CBL: variants seen among roughly 807,000 people sequenced by gnomAD.
CBL encodes the protein Cbl proto-oncogene, also known as E3 ubiquitin-protein ligase CBL.
CBL carries 45 observed loss-of-function variants against 96.9 expected under a neutral mutation model. That is an observed-to-expected ratio of 0.46 (90% confidence interval 0.37 to 0.60). The LOEUF is 0.60. Among genes scored for constraint, CBL ranks in the 20% least tolerant of loss-of-function variants. The probability of loss-of-function intolerance (pLI) is 0.00; values close to 1 mark genes in which losing one functional copy is unlikely to be tolerated. For missense variants in CBL, 1,024 were observed against 1,143.5 expected (o/e 0.90, Z 1.51); for synonymous variants, 420 against 426.8 (o/e 0.98, Z 0.20).
At chr11:119,271,373 C>T (rs1489795761) in intron 2 of CBL, among the ~76,000 whole-genome samples, 1 of 152,164 alleles carries the variant, frequency 6.6e-6, no homozygotes, top group African/African-American at 2.4e-5. Flanking sequence ...TAAATTTTTT[C>T]TCTTGTTTAC....
chr11:119,303,039 T>G lies in CBL; in HGVS notation c.*3258T>G, dbSNP rs1388222052. On this transcript the variant is annotated 3_prime_UTR_variant, in exon 16 of 16. Coordinates refer to ENST00000264033, the MANE Select transcript of CBL (RefSeq NM_005188.4). ...TAAGGGAGGTGGGGGTCACTGTTCA[T>G]CACTCTTAAAATATGTGTTTTCTCT... 2 of 230,296 alleles carry G rather than the reference T, an allele frequency of 8.7e-6. No individual in the cohort carries two copies. Among genetic ancestry groups the G allele is most frequent in the Non-Finnish European group, 1.7e-5 (2 of 116,052 alleles). 14.3% of individuals were successfully genotyped at this position (230,296 alleles called of 1,614,324 possible).
chr11:119,208,881 A>G (rs1949295831), intron 1 of CBL, among the ~76,000 whole-genome samples: 1 of 152,198 alleles, frequency 6.6e-6, no homozygotes, highest in Non-Finnish European at 1.5e-5. Context: ...ATTATTTGGG[A>G]AGAATAAAGA....
At chr11:119,270,242 T>C in intron 2 of CBL, among the ~76,000 whole-genome samples, 1 of 122,560 alleles carries the variant, frequency 8.2e-6, no homozygotes, top group East Asian at 2.3e-4. Flanking sequence ...GTGTGACATC[T>C]TTTTTTTTTT....
At chr11:119,296,248 T>C (rs1341509745) in intron 12 of CBL, among the ~76,000 whole-genome samples, 1 of 152,206 alleles carries the variant, frequency 6.6e-6, no homozygotes, top group Admixed American at 6.5e-5. Flanking sequence ...AGTAGGTTTT[T>C]GTGTGTCTTT....
rs891089507 is a variant in CBL at position 119,307,558 on chromosome 11, G to C, written c.*7777G>C. 9.0e-5 allele frequency: 21 copies of C among 232,502 alleles called. No individual in the cohort carries two copies. Among genetic ancestry groups the C allele is most frequent in the Admixed American group, 8.4e-4 (15 of 17,760 alleles). 14.4% of individuals were successfully genotyped at this position (232,502 alleles called of 1,614,324 possible). A position where few individuals can be genotyped will look rare whatever the true frequency, so the allele number is the denominator to read the frequency against. On this transcript the variant is annotated 3_prime_UTR_variant, in exon 16 of 16. Coordinates refer to ENST00000264033, the MANE Select transcript of CBL (RefSeq NM_005188.4). ...CAGGGAAGGGCAGCAAGGAACATGG[G>C]ACCAGAAGCCTGTCCTCAGTAATGT...
intron 13 of CBL, 110 bp from the exon 14 acceptor site, chr11:119,297,274 A>G: frequency 2.2e-6 from 2 of 925,470 alleles, no homozygotes; most frequent in Non-Finnish European, 1.8e-6. Flanking sequence ...ACAAGAGTCA[A>G]CTTTAACATT....
Position 119,302,089 on chromosome 11 carries a change from CT to C in CBL, c.*2314del. ...AGGTTAAGGGCAGTCTCGACTTTTC[CT>C]TTTTTGAGTCCTGTGTGGCTCTTTG... On this transcript the variant is annotated 3_prime_UTR_variant, in exon 16 of 16. Transcript: ENST00000264033. 4.3e-6 allele frequency: 1 copy of C among 232,792 alleles called. No individual in the cohort carries two copies. The highest frequency in any genetic ancestry group is 8.5e-6 in the Non-Finnish European group (1 of 117,826). The allele number at this position is 232,792 out of a possible 1,614,324, so 14.4% of individuals were successfully genotyped here.
In CBL at chr11:119,304,142, C is replaced by G. The variant is rs1950119328; in HGVS notation, c.*4361C>G. ...TCCCAGAGCAAGGAGTTTAGGGATT[C>G]TAAAGCTTAGTGTCCACACATCATT... On this transcript the variant is annotated 3_prime_UTR_variant, in exon 16 of 16. Transcript: ENST00000264033. 1 of 233,348 alleles carries G rather than the reference C, an allele frequency of 4.3e-6. No individual in the cohort carries two copies. Among genetic ancestry groups the G allele is most frequent in the Admixed American group, 5.6e-5 (1 of 17,788 alleles). 14.5% of individuals were successfully genotyped at this position (233,348 alleles called of 1,614,324 possible).
intron 14 of CBL, 68 bp downstream of exon 14, chr11:119,297,549 A>G: frequency 8.5e-7 from 1 of 1,180,708 alleles, no homozygotes; most frequent in Non-Finnish European, 1.3e-6. Flanking sequence ...AATATTTGGC[A>G]ATTGAGATAG....
rs1462334985 is a variant in CBL at position 119,238,223 on chromosome 11, AT to A, written c.443+5541del. ...GCCTGTCAATTTGATCCCAAATACA[AT>A]TTTTTTTTTTTTAATAGATAGAGTC... On this transcript the variant is annotated intron_variant, in intron 2 of 15. Coordinates refer to ENST00000264033, the MANE Select transcript of CBL (RefSeq NM_005188.4). Among the ~76,000 whole-genome samples the A allele has an allele frequency of 1.4e-3, 184 of 128,262 alleles. 1 individual carries two copies. The highest frequency in any genetic ancestry group is 2.2e-3 in the Admixed American group (27 of 12,350). 84.1% of individuals were successfully genotyped at this position (128,262 alleles called of 152,430 possible).
At chr11:119,213,983 G>T (rs1949338076) in intron 1 of CBL, among the ~76,000 whole-genome samples, 1 of 147,812 alleles carries the variant, frequency 6.8e-6, no homozygotes, top group Non-Finnish European at 1.5e-5. Context: ...TCGCTCTTTT[G>T]CCCCAGGCTG....
chr11:119,206,976 T>C (rs1002842990), intron 1 of CBL, among the ~76,000 whole-genome samples: 5 of 151,794 alleles, frequency 3.3e-5, no homozygotes, highest in African/African-American at 7.3e-5. Context: ...GGTCACGGAA[T>C]TGGCCTGGGA....
intron 2 of CBL, among the ~76,000 whole-genome samples, chr11:119,244,476 G>A (rs1302130316): frequency 6.6e-6 from 1 of 151,334 alleles, no homozygotes; most frequent in African/African-American, 2.4e-5. Flanking sequence ...GGAGTGCAGT[G>A]GCACAATCTT....
chr11:119,240,101 G>A (rs1320536158), intron 2 of CBL, among the ~76,000 whole-genome samples: 1 of 152,008 alleles, frequency 6.6e-6, no homozygotes. Flanking sequence ...AGACCAGCCT[G>A]GCCAACATAG....
chr11:119,255,206 C>G (rs1949702265), intron 2 of CBL, among the ~76,000 whole-genome samples: 1 of 152,022 alleles, frequency 6.6e-6, no homozygotes, highest in African/African-American at 2.4e-5. Context: ...GCCCTGGTAC[C>G]TAGAGACTGT....
intron 1 of CBL, among the ~76,000 whole-genome samples, chr11:119,214,861 C>T (rs73001395): frequency 0.1 from 12,928 of 125,756 alleles, 768 homozygotes; most frequent in Non-Finnish European, 0.15. Context: ...CCCTCATTTT[C>T]TGTCTAATTA....
At chr11:119,239,159 C>T (rs370942037) in intron 2 of CBL, among the ~76,000 whole-genome samples, 1 of 151,982 alleles carries the variant, frequency 6.6e-6, no homozygotes, top group Non-Finnish European at 1.5e-5. Flanking sequence ...TTTGTAGACA[C>T]GAGGTTTCGT....
chr11:119,267,229 AT>A (rs1592394950), intron 2 of CBL, among the ~76,000 whole-genome samples: 1 of 152,156 alleles, frequency 6.6e-6, no homozygotes, highest in African/African-American at 2.4e-5. Flanking sequence ...GGAGGGATGC[AT>A]TCTGGAGTAG....
intron 1 of CBL, among the ~76,000 whole-genome samples, chr11:119,224,683 C>T (rs143909305): frequency 0.028 from 4,242 of 152,044 alleles, 221 homozygotes; most frequent in African/African-American, 0.096. Context: ...CTCTGCCTCC[C>T]GGGTTCAAGC....
Sources: allele counts gnomAD v4.1 joint callset (sites outside exome capture counted in the v4.1 genomes callset), GRCh38; gene constraint gnomAD v4.1.1; transcripts MANE v1.5; gene names NCBI Gene and HGNC (gene_info 2026-07-23, HGNC 2026-07-21).